The following PLCG2 variants were observed in gnomAD, a reference collection of about 807,000 sequenced individuals.
PLCG2 encodes the protein phospholipase C gamma 2, also known as 1-phosphatidylinositol 4,5-bisphosphate phosphodiesterase gamma-2.
Under a neutral mutation model 175.6 loss-of-function variants are expected in PLCG2, and 69 were observed. The observed-to-expected ratio is 0.39, with a 90% CI of 0.32 to 0.48. The LOEUF (loss-of-function observed/expected upper bound fraction) is 0.48. PLCG2 is among the 20% of genes least tolerant of loss of function. PLCG2 has a pLI of 0.91. For missense variants in PLCG2, 1,798 were observed against 1,650.9 expected (o/e 1.09, Z -1.54); for synonymous variants, 827 against 624.0 (o/e 1.33, Z -4.85).
intron 13 of PLCG2, 70 bp downstream of exon 13, chr16:81,895,997 C>G (rs1597115206): frequency 6.3e-7 from 1 of 1,580,718 alleles, no homozygotes. Context: ...GACAGATGGA[C>G]AGACAGGCAA....
At chr16:81,862,095 A>G (rs1400445498) in intron 5 of PLCG2, among the ~76,000 whole-genome samples, 3 of 152,244 alleles carry the variant, frequency 2.0e-5, no homozygotes, top group Admixed American at 6.5e-5. Context: ...CAAGATGCCA[A>G]TGAAAGAGCA....
At position 81,837,908 on chromosome 16, in the gene PLCG2, T is replaced by C. The variant is rs562096540; in HGVS notation, c.194-16536T>C. The stretch of plus-strand genomic sequence containing the variant: ...TTCATAGAACCCACTACCAGTCTTA[T>C]TCAGATTTTCCCCCATTTTCCTTGT... On this transcript the variant is annotated intron_variant, in intron 2 of 32. Coordinates refer to ENST00000564138, the MANE Select transcript of PLCG2 (RefSeq NM_002661.5). Among the ~76,000 whole-genome samples, 111 of 152,276 alleles carry C rather than the reference T, an allele frequency of 7.3e-4. No homozygotes were observed. In the Middle Eastern group the frequency reaches 0.014, roughly 19 times the overall value.
chr16:81,830,533 C>T (rs778029324), intron 2 of PLCG2, among the ~76,000 whole-genome samples: 1 of 152,006 alleles, frequency 6.6e-6, no homozygotes, highest in Non-Finnish European at 1.5e-5. Flanking sequence ...TCTTGGAACT[C>T]CTGACCTCAA....
rs557197272 is a variant in PLCG2 at position 81,880,065 on chromosome 16, C to T, written c.649-845C>T. ...GACCATCCTGGGCAACATAGTAAGA[C>T]CTGCATCTCTACAAAAAGAAAAAAT... On this transcript the variant is annotated intron_variant, in intron 7 of 32. Coordinates refer to ENST00000564138, the MANE Select transcript of PLCG2 (RefSeq NM_002661.5). Among the ~76,000 whole-genome samples, 16 of 152,286 alleles carry T rather than the reference C, an allele frequency of 1.1e-4. No homozygotes were observed. The South Asian group carries it at 3.3e-3, about 32-fold the overall frequency.
At position 81,859,120 on chromosome 16, in the gene PLCG2, C is replaced by G; in HGVS notation, c.436C>G (p.Leu146Val). 1 of 1,581,374 alleles carries G rather than the reference C, an allele frequency of 6.3e-7. No homozygotes were observed. ...TTGTCTCATATTTCTTTCCAGTTGG[C>G]TGAGAAAGCAGATATATTCTGTGGA... ...ASTPTIIESW[L>V]RKQIYSVDQT... Residue 146 changes from leucine to valine, a missense_variant, in exon 5 of 33, where the codon CTG becomes GTG. Transcript: ENST00000564138.
At chr16:81,884,822 C>T (rs1231091856) in intron 9 of PLCG2, among the ~76,000 whole-genome samples, 1 of 152,030 alleles carries the variant, frequency 6.6e-6, no homozygotes, top group Non-Finnish European at 1.5e-5. Flanking sequence ...TACACAAAAG[C>T]AGACAGACGG....
At chr16:81,766,072 T>G (rs567093186) in intron 2 of PLCG2, among the ~76,000 whole-genome samples, 44 of 152,356 alleles carry the variant, frequency 2.9e-4, no homozygotes, top group African/African-American at 9.4e-4. Context: ...GTGTCCTACC[T>G]CTTCTGTCTC....
At chr16:81,776,621 C>T (rs538297266), upstream of PLCG2, among the ~76,000 whole-genome samples, 2 of 152,194 alleles carry the variant, frequency 1.3e-5, no homozygotes, top group Admixed American at 6.5e-5. Flanking sequence ...GTGGCACCAT[C>T]TTGGCTCACT....
rs1253544169 is a variant in PLCG2, at chr16:81,958,684, A to G, written c.*686A>G. ...GGGGCCTCTTTGTTTTAAAAAGCCC[A>G]TCAGAGAGACCAGAGCCGTGCTGCA... On this transcript the variant is annotated 3_prime_UTR_variant, in exon 33 of 33. Transcript: ENST00000564138. 3 of 221,904 alleles carry G rather than the reference A, an allele frequency of 1.4e-5. No homozygotes were observed. Among genetic ancestry groups the G allele is most frequent in the African/African-American group, 4.5e-5 (2 of 44,822 alleles). 13.7% of individuals were successfully genotyped at this position (221,904 alleles called of 1,614,324 possible).
intron 1 of PLCG2, among the ~76,000 whole-genome samples, chr16:81,742,479 C>T (rs754560188): frequency 6.6e-6 from 1 of 152,144 alleles, no homozygotes; most frequent in Non-Finnish European, 1.5e-5. Context: ...CCCCAGCCCC[C>T]ATGCAGGGTG....
chr16:81,912,861 A>C, intron 19 of PLCG2, 145 bp downstream of exon 19: 1 of 1,042,316 alleles, frequency 9.6e-7, no homozygotes. Flanking sequence ...ACCACAGCAA[A>C]AGCCGCTGCG....
chr16:81,818,758 C>T (rs1417512699), intron 2 of PLCG2, among the ~76,000 whole-genome samples: 1 of 151,916 alleles, frequency 6.6e-6, no homozygotes, highest in Non-Finnish European at 1.5e-5. Context: ...AAACTGAGGG[C>T]TGCTGAGCCT....
At chr16:81,901,753 C>T (rs1369322809) in intron 14 of PLCG2, among the ~76,000 whole-genome samples, 3 of 152,164 alleles carry the variant, frequency 2.0e-5, no homozygotes, top group Admixed American at 2.0e-4. Flanking sequence ...TAATGTTGTG[C>T]TCGTCATCAC....
At chr16:81,764,729 A>T (rs1273905227) in intron 2 of PLCG2, among the ~76,000 whole-genome samples, 1 of 152,204 alleles carries the variant, frequency 6.6e-6, no homozygotes, top group Non-Finnish European at 1.5e-5. Context: ...ACATAGCTGT[A>T]TTTGGAAAGA....
intron 29 of PLCG2, among the ~76,000 whole-genome samples, chr16:81,939,429 ACAACTCAGATGCTGAC>A (rs1429497925): frequency 6.6e-6 from 1 of 152,180 alleles, no homozygotes; most frequent in Non-Finnish European, 1.5e-5. Flanking sequence ...AGCCCAATGA[ACAACTCAGATGCTGAC>A]CAAATAAACT....
intron 24 of PLCG2, among the ~76,000 whole-genome samples, chr16:81,929,810 G>A (rs765036565): frequency 3.3e-5 from 5 of 152,228 alleles, no homozygotes; most frequent in Non-Finnish European, 7.3e-5. Flanking sequence ...CTAAGTGACC[G>A]ACCACCACAT....
chr16:81,857,192 C>A (rs188516148), intron 3 of PLCG2, among the ~76,000 whole-genome samples: 18 of 152,220 alleles, frequency 1.2e-4, no homozygotes, highest in Admixed American at 1.3e-4. Flanking sequence ...TTGATGTCTC[C>A]GTCATCCCTC....
chr16:81,913,782 C>A (rs984074578), intron 19 of PLCG2, among the ~76,000 whole-genome samples: 4 of 152,232 alleles, frequency 2.6e-5, no homozygotes, highest in African/African-American at 9.6e-5. Context: ...ATTCCCTCTG[C>A]CCTGATCCCA....
At chr16:81,765,547 C>T (rs1316425964) in intron 2 of PLCG2, among the ~76,000 whole-genome samples, 2 of 152,262 alleles carry the variant, frequency 1.3e-5, no homozygotes, top group African/African-American at 4.8e-5. Context: ...AGGAGAATTG[C>T]TTGGACCCGA....
Sources: gnomAD v4.1 joint callset for allele counts (sites outside exome capture counted in the v4.1 genomes callset) on GRCh38, gnomAD v4.1.1 for gene constraint, MANE v1.5 for transcripts, NCBI Gene and HGNC (gene_info 2026-07-23, HGNC 2026-07-21) for gene names.